The following ZNF141 variants were observed in gnomAD, a reference collection of about 807,000 sequenced individuals.
ZNF141 encodes the protein zinc finger protein 141, also known as zinc finger protein 141 (clone pHZ-44).
Under a neutral mutation model 11.3 loss-of-function variants are expected in ZNF141, and 7 were observed. The ratio of observed to expected loss-of-function variants is 0.62; its 90% CI spans 0.35 to 1.16. ZNF141 has a LOEUF of 1.16. Among genes scored for constraint, ZNF141 ranks in the 50% most tolerant of loss-of-function variants. The probability of loss-of-function intolerance (pLI) is 0.02; values close to 1 mark genes in which losing one functional copy is unlikely to be tolerated. For synonymous variants in ZNF141, 183 were observed against 190.7 expected (o/e 0.96, Z 0.33); for missense variants, 535 against 554.0 (o/e 0.97, Z 0.34).
chr4:345,988 C>T (rs1721302573), intron 3 of ZNF141, among the ~76,000 whole-genome samples: 1 of 152,050 alleles, frequency 6.6e-6, no homozygotes, highest in Non-Finnish European at 1.5e-5. Flanking sequence ...ATAATTTTGT[C>T]TTAGTAGGAA....
intron 3 of ZNF141, among the ~76,000 whole-genome samples, chr4:363,379 T>C (rs1179663052): frequency 6.6e-6 from 1 of 152,210 alleles, no homozygotes; most frequent in African/African-American, 2.4e-5. Context: ...TTCTCCTGCA[T>C]GATTGCCCTG....
At chr4:347,132 G>A (rs1455227003) in intron 3 of ZNF141, among the ~76,000 whole-genome samples, 2 of 151,084 alleles carry the variant, frequency 1.3e-5, no homozygotes, top group Non-Finnish European at 2.9e-5. Context: ...CTGGGTCCTG[G>A]GTTCAAGCAA....
chr4:341,072 CTT>C (rs34755542), intron 1 of ZNF141, among the ~76,000 whole-genome samples: 73 of 142,834 alleles, frequency 5.1e-4, no homozygotes, highest in African/African-American at 5.5e-4. Flanking sequence ...AAACATTTTT[CTT>C]TTTTTTTTTT....
intron 2 of ZNF141, 100 bp from the exon 3 acceptor site, chr4:344,235 A>C: frequency 5.5e-6 from 6 of 1,098,182 alleles, no homozygotes; most frequent in Non-Finnish European, 7.8e-6. Flanking sequence ...ATTTTCTAGA[A>C]TCTTCCATAA....
intron 3 of ZNF141, among the ~76,000 whole-genome samples, chr4:352,756 C>A (rs1422932158): frequency 1.3e-5 from 2 of 152,132 alleles, no homozygotes; most frequent in Non-Finnish European, 2.9e-5. Context: ...TTCCCTTTGG[C>A]TTTTACTGAG....
chr4:343,444 G>A (rs569974754), intron 1 of ZNF141, among the ~76,000 whole-genome samples: 1 of 151,994 alleles, frequency 6.6e-6, no homozygotes, highest in Non-Finnish European at 1.5e-5. Context: ...ATGTCCCTTC[G>A]GCTGGGCGCA....
chr4:353,925 C>T lies in ZNF141; in HGVS notation c.226+9495C>T, dbSNP rs115249188. Among the ~76,000 whole-genome samples the T allele has an allele frequency of 6.4e-3, 973 of 152,296 alleles. 8 individuals carry two copies. Among genetic ancestry groups the T allele is most frequent in the African/African-American group, 0.022 (904 of 41,558 alleles). ...ATTTCTGCTCATTCACACACATGCA[C>T]GCTAAGCAATGGTATGGCCGTGCTT... On this transcript the variant is annotated intron_variant, in intron 3 of 3. Transcript: ENST00000240499.
rs1241996131 is a variant in ZNF141 at position 376,604 on chromosome 4, G to A, written c.*2742G>A. ...CTTTGAACATGTGGCATCTTTTCCT[G>A]CAAACTTATACAAACTTTAGTTCCA... On this transcript the variant is annotated 3_prime_UTR_variant, in exon 4 of 4. Transcript: ENST00000240499. Among the ~76,000 whole-genome samples, 1 of 151,956 alleles carries A rather than the reference G, an allele frequency of 6.6e-6. No homozygotes were observed. Among genetic ancestry groups the A allele is most frequent in the African/African-American group, 2.4e-5 (1 of 41,406 alleles).
chr4:360,448 C>T (rs1320850694), intron 3 of ZNF141, among the ~76,000 whole-genome samples: 4 of 152,106 alleles, frequency 2.6e-5, no homozygotes, highest in African/African-American at 7.2e-5. Flanking sequence ...TTCAAAATGC[C>T]AGCTCTTCAT....
intron 1 of ZNF141, among the ~76,000 whole-genome samples, chr4:341,853 T>A (rs556632772): frequency 6.6e-6 from 1 of 152,346 alleles, no homozygotes; most frequent in South Asian, 2.1e-4. Context: ...AAAAGCTATA[T>A]ACTTTGGGGC....
At chr4:344,661 G>A (rs1721234617) in intron 3 of ZNF141, among the ~76,000 whole-genome samples, 1 of 152,136 alleles carries the variant, frequency 6.6e-6, no homozygotes, top group Non-Finnish European at 1.5e-5. Flanking sequence ...GGGCATGGTG[G>A]TGCGCACCTG....
chr4:351,041 G>A (rs532114098), intron 3 of ZNF141, among the ~76,000 whole-genome samples: 10 of 151,602 alleles, frequency 6.6e-5, no homozygotes, highest in South Asian at 4.2e-4. Context: ...GAGCCACCGC[G>A]CCCGGCCTGA....
rs1553854178 is a variant in ZNF141, at chr4:373,895, A to G, written c.*33A>G. On this transcript the variant is annotated 3_prime_UTR_variant, in exon 4 of 4. Coordinates refer to ENST00000240499, the MANE Select transcript of ZNF141 (RefSeq NM_003441.4). Reference sequence around the variant, plus strand: ...CCTACAAATGTAAAGAATGTGGCAAACCTTTGGATGATCCACAAACCTTAA... The same window carrying G: ...CCTACAAATGTAAAGAATGTGGCAAGCCTTTGGATGATCCACAAACCTTAA... The G allele has an allele frequency of 6.5e-7, 1 of 1,541,276 alleles. No homozygotes were observed. The highest frequency in any genetic ancestry group is 1.9e-5 in the Admixed American group (1 of 52,008).
intron 3 of ZNF141, among the ~76,000 whole-genome samples, chr4:356,340 A>G (rs1553851224): frequency 1.3e-5 from 2 of 151,770 alleles, no homozygotes; most frequent in Non-Finnish European, 2.9e-5. Context: ...TTGTTTTTTG[A>G]GACAGAGTCT....
intron 1 of ZNF141, 86 bp downstream of exon 1, chr4:338,072 G>T (rs879980815): frequency 6.3e-7 from 1 of 1,578,750 alleles, no homozygotes; most frequent in East Asian, 2.3e-5. Context: ...GTCTGCGAAC[G>T]GAGTCCCCGC....
At chr4:342,474 T>C (rs1264948118) in intron 1 of ZNF141, among the ~76,000 whole-genome samples, 2 of 152,222 alleles carry the variant, frequency 1.3e-5, no homozygotes, top group Non-Finnish European at 2.9e-5. Context: ...TGAGTGGTAC[T>C]ATAATGGGTC....
intron 3 of ZNF141, among the ~76,000 whole-genome samples, chr4:360,932 C>T (rs2108711622): frequency 6.6e-6 from 1 of 152,134 alleles, no homozygotes; most frequent in Non-Finnish European, 1.5e-5. Context: ...TCAGTATTTC[C>T]TTGTGTAGAT....
In ZNF141 at chr4:374,305, G is replaced by A. The variant is rs1553854254; in HGVS notation, c.*443G>A. The A allele has an allele frequency of 6.6e-6, 2 of 300,916 alleles. No individual in the cohort carries two copies. Among genetic ancestry groups the A allele is most frequent in the Non-Finnish European group, 1.3e-5 (2 of 150,216 alleles). 18.6% of individuals were successfully genotyped at this position (300,916 alleles called of 1,614,324 possible). A position where few individuals can be genotyped will look rare whatever the true frequency, so the allele number is the denominator to read the frequency against. ...AGAAACTTCACATGTGAACCGTGTG[G>A]CAAAGCCTTTAAATGGTCCTCAACC... On this transcript the variant is annotated 3_prime_UTR_variant, in exon 4 of 4. Transcript: ENST00000240499.
intron 3 of ZNF141, among the ~76,000 whole-genome samples, chr4:353,998 C>T (rs535205941): frequency 1.3e-5 from 2 of 152,304 alleles, no homozygotes; most frequent in East Asian, 3.9e-4. Flanking sequence ...AGCACCTCTG[C>T]TTCTAGGGTT....
Sources: gnomAD v4.1 joint callset for allele counts (sites outside exome capture counted in the v4.1 genomes callset) on GRCh38, gnomAD v4.1.1 for gene constraint, MANE v1.5 for transcripts, NCBI Gene and HGNC (gene_info 2026-07-23, HGNC 2026-07-21) for gene names.